Variants in MYBL1 observed in about 807,000 individuals in gnomAD.
MYBL1 encodes the protein MYB proto-oncogene like 1.
Under a neutral mutation model 96.3 loss-of-function variants are expected in MYBL1, and 17 were observed. That is an observed-to-expected ratio of 0.18 (90% CI 0.12 to 0.26). The LOEUF is 0.26. Ranked by LOEUF, MYBL1 falls within the 10% of genes least tolerant of loss-of-function variation. MYBL1 has a pLI of 1.00. For synonymous variants in MYBL1, 282 were observed against 292.7 expected (o/e 0.96, Z 0.37); for missense variants, 701 against 882.9 (o/e 0.79, Z 2.61).
intron 1 of MYBL1, 32 bp from the exon 2 acceptor site, chr8:66,602,555 A>G (rs1368553975): frequency 6.7e-7 from 1 of 1,487,688 alleles, no homozygotes; most frequent in Admixed American, 1.9e-5. Flanking sequence ...TGATATCAAG[A>G]ATTTTATTTA....
intron 3 of MYBL1, among the ~76,000 whole-genome samples, chr8:66,601,450 T>G (rs1479941755): frequency 2.0e-5 from 3 of 152,132 alleles, no homozygotes; most frequent in Non-Finnish European, 4.4e-5. Flanking sequence ...CACATACATT[T>G]ATTATCATTT....
At position 66,564,639 on chromosome 8, in the gene MYBL1, C is replaced by T. The variant is rs1281773240; in HGVS notation, c.*58G>A. 10 of 1,386,754 alleles carry T rather than the reference C, an allele frequency of 7.2e-6. No individual in the cohort carries two copies. Among genetic ancestry groups the T allele is most frequent in the Non-Finnish European group, 9.6e-6 (10 of 1,038,994 alleles). 85.9% of individuals were successfully genotyped at this position (1,386,754 alleles called of 1,614,324 possible). A position where few individuals can be genotyped will look rare whatever the true frequency, so the allele number is the denominator to read the frequency against. On this transcript the variant is annotated 3_prime_UTR_variant, in exon 16 of 16. Transcript: ENST00000522677. ...CTAATTGAGAAAAATTTCACTGCAACCTAATTTAGTAGAGACTGCAGTAAG... is the reference window on the plus strand; with the variant it reads ...CTAATTGAGAAAAATTTCACTGCAATCTAATTTAGTAGAGACTGCAGTAAG...
intron 9 of MYBL1, among the ~76,000 whole-genome samples, chr8:66,578,128 G>A (rs11987596): frequency 8.6e-5 from 13 of 151,588 alleles, no homozygotes; most frequent in African/African-American, 2.4e-4. Context: ...ATAAAAACCC[G>A]AGAAGAAAAC....
In MYBL1 at chr8:66,566,104, G is replaced by A; in HGVS notation, c.2090C>T (p.Pro697Leu). Residue 697 changes from proline (P) to leucine (L), a missense_variant, in exon 15 of 16, where the codon CCT (proline) becomes CTT (leucine). Physicochemically the swap from Pro to Leu is moderately conservative, Grantham distance 98 (BLOSUM62 -3). Around this residue, in one of 5 missense-constraint regions of MYBL1, gnomAD observed 137 missense variants for 137.5 expected, o/e 1.00. Transcript: ENST00000522677. ...TYTLTKKKPN[P>L]NTSKVVKLEK... ...CAATTTGACAACTTTGGAAGTGTTA[G>A]GGTTTGGTTTCTTTTTAGTAAGTGT... The A allele has an allele frequency of 5.2e-6, 8 of 1,541,886 alleles. No individual in the cohort carries two copies. The highest frequency in any genetic ancestry group is 7.0e-6 in the Non-Finnish European group (8 of 1,141,032).
intron 12 of MYBL1, among the ~76,000 whole-genome samples, chr8:66,570,600 G>C (rs1808690809): frequency 6.6e-6 from 1 of 152,116 alleles, no homozygotes; most frequent in Admixed American, 6.5e-5. Flanking sequence ...AACCATACTT[G>C]ACCTTTTCAA....
rs888877262 is a variant in MYBL1, at chr8:66,570,097, G to T, written c.1728+2385C>A. 4.6e-5 allele frequency among the ~76,000 whole-genome samples: 7 copies of T among 152,254 alleles called. No individual in the cohort carries two copies. The East Asian group carries it at 1.4e-3, about 29-fold the overall frequency. On this transcript the variant is annotated intron_variant, in intron 12 of 15. Transcript: ENST00000522677. ...CAGCTTACTGCAAAGAGATGTATGA[G>T]CCTATAGATATTCTAGGAATTTTAA...
chr8:66,608,254 T>C (rs1169292555), intron 1 of MYBL1, among the ~76,000 whole-genome samples: 10 of 152,198 alleles, frequency 6.6e-5, no homozygotes, highest in Admixed American at 5.9e-4. Context: ...GGTTTCATTC[T>C]CTATTTTGCA....
At chr8:66,571,389 A>G (rs1211149054) in intron 12 of MYBL1, among the ~76,000 whole-genome samples, 1 of 152,230 alleles carries the variant, frequency 6.6e-6, no homozygotes, top group Non-Finnish European at 1.5e-5. Context: ...CACAATAACA[A>G]TTTGGGGTGT....
chr8:66,579,305 A>C (rs550902308), intron 9 of MYBL1, among the ~76,000 whole-genome samples: 65 of 152,070 alleles, frequency 4.3e-4, no homozygotes, highest in African/African-American at 1.5e-3. Flanking sequence ...TCCAATAATA[A>C]TAGTTGGGTA....
rs113330444 is a variant in MYBL1, at chr8:66,608,026, G to C, written c.20+4793C>G. ...TTGGGAATTTGCCCATATAAATCTT[G>C]AGTATTCACAAATCTACATCACATT... On this transcript the variant is annotated intron_variant, in intron 1 of 15. Coordinates refer to ENST00000522677, the MANE Select transcript of MYBL1 (RefSeq NM_001080416.4). 8.0e-3 allele frequency among the ~76,000 whole-genome samples: 1,220 copies of C among 152,148 alleles called. 15 individuals carry two copies. The highest frequency in any genetic ancestry group is 0.027 in the African/African-American group (1,112 of 41,498).
Position 66,580,025 on chromosome 8 carries a change from G to A in MYBL1, c.1101+108C>T, listed in dbSNP as rs893741676. The A allele has an allele frequency of 1.0e-5, 8 of 784,610 alleles. No individual in the cohort carries two copies. The East Asian group carries it at 2.2e-4, about 21-fold the overall frequency. 48.6% of individuals were successfully genotyped at this position (784,610 alleles called of 1,614,324 possible). On this transcript the variant is annotated intron_variant, in intron 9 of 15. Transcript: ENST00000522677. Reference sequence around the variant, plus strand: ...CTGCAAAATATCAGAACAAAATTAAGCATGGCATACAAAACATAAAACTGG... The same window carrying A: ...CTGCAAAATATCAGAACAAAATTAAACATGGCATACAAAACATAAAACTGG...
chr8:66,576,051 G>C lies in MYBL1; in HGVS notation c.1426C>G (p.Leu476Val). 1 of 1,613,952 alleles carries C rather than the reference G, an allele frequency of 6.2e-7. No homozygotes were observed. Among genetic ancestry groups the C allele is most frequent in the Non-Finnish European group, 8.5e-7 (1 of 1,179,868 alleles). The stretch of plus-strand genomic sequence containing the variant: ...AGTGTTTTCAGTGGTGTATGTTTTA[G>C]CGCCATATTACCACCATCGTTCAAT... ...GSLNDGGNMA[L>V]KHTPLKTLPF... The change falls in exon 10 of 16, where the codon CTA (leucine) becomes GTA (valine). Residue 476 changes from leucine to valine, a missense_variant. Leu to Val is a conservative substitution (Grantham distance 32, BLOSUM62 1). This residue lies in a region of MYBL1 where 396 missense variants were observed against 407.4 expected (regional missense o/e 0.97). Transcript: ENST00000522677.
chr8:66,601,832 T>G, intron 2 of MYBL1, 63 bp from the exon 3 acceptor site: 1 of 747,674 alleles, frequency 1.3e-6, no homozygotes, highest in Non-Finnish European at 2.2e-6. Context: ...CCCCTAAATA[T>G]AGATAACTCT....
intron 8 of MYBL1, among the ~76,000 whole-genome samples, chr8:66,582,541 CAAAAAA>C (rs34952299): frequency 2.3e-4 from 11 of 48,266 alleles, no homozygotes; most frequent in African/African-American, 8.1e-4. Flanking sequence ...TCCATCTCTA[CAAAAAA>C]AAAAAAAAAA....
chr8:66,583,455 A>G (rs1809294579), intron 8 of MYBL1, among the ~76,000 whole-genome samples: 1 of 152,140 alleles, frequency 6.6e-6, no homozygotes, highest in Admixed American at 6.6e-5. Context: ...CTAGCAGAGG[A>G]AAATAAATAA....
intron 10 of MYBL1, among the ~76,000 whole-genome samples, chr8:66,574,164 C>T (rs1003606662): frequency 6.6e-6 from 1 of 152,098 alleles, no homozygotes. Context: ...GGCTTCAAAG[C>T]TACTTATAAC....
chr8:66,601,565 A>G (rs1468807639), intron 3 of MYBL1, 133 bp downstream of exon 3: 5 of 574,760 alleles, frequency 8.7e-6, no homozygotes, highest in African/African-American at 1.9e-5. Flanking sequence ...CTAGAGGCAG[A>G]CCAAACCAAC....
intron 8 of MYBL1, among the ~76,000 whole-genome samples, chr8:66,583,245 G>C (rs1809287770): frequency 6.6e-6 from 1 of 152,026 alleles, no homozygotes; most frequent in African/African-American, 2.4e-5. Flanking sequence ...CAACCAATAG[G>C]TCAATGAAGA....
At chr8:66,579,533 T>C (rs1269836737) in intron 9 of MYBL1, among the ~76,000 whole-genome samples, 2 of 151,896 alleles carry the variant, frequency 1.3e-5, no homozygotes, top group African/African-American at 4.8e-5. Flanking sequence ...GGCAGGCACC[T>C]GTAATCCCAG....
Sources: allele counts gnomAD v4.1 joint callset (sites outside exome capture counted in the v4.1 genomes callset), GRCh38; gene constraint gnomAD v4.1.1; regional missense constraint gnomAD v4.1.1; transcripts MANE v1.5; gene names NCBI Gene and HGNC (gene_info 2026-07-23, HGNC 2026-07-21).